Variants in KDM2B observed in about 807,000 individuals in gnomAD.
The protein encoded by KDM2B is lysine-specific demethylase 2B.
A neutral mutation model predicts 150.0 loss-of-function variants in KDM2B; 26 were observed. That is an observed-to-expected ratio of 0.17 (90% confidence interval 0.13 to 0.24). The LOEUF (loss-of-function observed/expected upper bound fraction) is 0.24. KDM2B is among the 10% of genes least tolerant of loss of function. The pLI, the probability that KDM2B is intolerant of heterozygous loss-of-function variation, is 1.00. For synonymous variants in KDM2B, 734 were observed against 729.5 expected (o/e 1.01, Z -0.10); for missense variants, 1,265 against 1,816.9 (o/e 0.70, Z 5.52).
chr12:121,459,639 T>G (rs1555293472), intron 12 of KDM2B, among the ~76,000 whole-genome samples: 1 of 152,210 alleles, frequency 6.6e-6, no homozygotes, highest in Non-Finnish European at 1.5e-5. Flanking sequence ...GAGACCAGCC[T>G]CACAAGCATG....
chr12:121,546,012 G>C (rs1555310622), intron 6 of KDM2B, among the ~76,000 whole-genome samples: 3 of 152,152 alleles, frequency 2.0e-5, no homozygotes, highest in Non-Finnish European at 4.4e-5. Flanking sequence ...CGACCACCTT[G>C]ACTGGGCGAA....
chr12:121,559,574 G>A (rs782265031), intron 4 of KDM2B, among the ~76,000 whole-genome samples: 2 of 152,082 alleles, frequency 1.3e-5, no homozygotes, highest in South Asian at 2.1e-4. Flanking sequence ...AGGAGATGTA[G>A]GGAGAATCCA....
downstream of KDM2B, among the ~76,000 whole-genome samples, chr12:121,428,571 A>T (rs535563125): frequency 3.3e-4 from 51 of 152,344 alleles, no homozygotes; most frequent in Middle Eastern, 3.4e-3. Flanking sequence ...CAGGGGCAAC[A>T]TCGTACATTG....
At position 121,510,300 on chromosome 12, in the gene KDM2B, C is replaced by T. The variant is rs12227224; in HGVS notation, c.1175-261G>A. Among the ~76,000 whole-genome samples, 1,693 of 152,280 alleles carry T rather than the reference C, an allele frequency of 0.011. 49 individuals are homozygous for T. In the East Asian group the frequency reaches 0.12, roughly 11 times the overall value. On this transcript the variant is annotated intron_variant, in intron 10 of 22. Coordinates refer to ENST00000377071, the MANE Select transcript of KDM2B (RefSeq NM_032590.5). Reference sequence around the variant, plus strand: ...GGCACTTTATTTATTTATATAAAGACAGTCTTGCTCAGTTGCCGAGGCTGG... The same window carrying T: ...GGCACTTTATTTATTTATATAAAGATAGTCTTGCTCAGTTGCCGAGGCTGG...
intron 12 of KDM2B, among the ~76,000 whole-genome samples, chr12:121,484,748 G>T (rs1156584141): frequency 2.0e-5 from 3 of 152,092 alleles, no homozygotes; most frequent in Admixed American, 2.0e-4. Context: ...AGCCCGGGAG[G>T]TCGAGGCTGC....
intron 6 of KDM2B, among the ~76,000 whole-genome samples, chr12:121,547,297 C>T (rs1262358337): frequency 6.6e-6 from 1 of 152,162 alleles, no homozygotes; most frequent in Non-Finnish European, 1.5e-5. Context: ...GCCTTTGATG[C>T]AGCCCAGATC....
chr12:121,545,942 A>C (rs1889004373), intron 6 of KDM2B, among the ~76,000 whole-genome samples: 1 of 149,042 alleles, frequency 6.7e-6, no homozygotes, highest in Admixed American at 6.8e-5. Context: ...AAGCCCTCCC[A>C]GTCTTCTTCA....
chr12:121,410,944 T>C, the KDM2B span, among the ~76,000 whole-genome samples: 3 of 152,186 alleles, frequency 2.0e-5, no homozygotes, highest in African/African-American at 4.8e-5. Context: ...TTTTTTGTTG[T>C]TTGTTTTTGA....
intron 4 of KDM2B, among the ~76,000 whole-genome samples, chr12:121,553,677 T>A (rs1234197862): frequency 6.6e-6 from 1 of 152,070 alleles, no homozygotes. Flanking sequence ...GTCAGTTTCA[T>A]CTGTAACTAG....
Position 121,442,751 on chromosome 12 carries a change from A to C in KDM2B, c.2690T>G (p.Leu897Arg). The C allele has an allele frequency of 6.4e-7, 1 of 1,553,606 alleles. No homozygotes were observed. Among genetic ancestry groups the C allele is most frequent in the Non-Finnish European group, 8.7e-7 (1 of 1,155,174 alleles). Reference protein sequence around the residue: ...RRFKQEPEDELPEAPPKTRES... With the variant: ...RRFKQEPEDERPEAPPKTRES... ...CCTGGTCTTGGGGGGCGCCTCGGGC[A>C]GTTCGTCCTCGGGTTCCTGCTTGAA... is the stretch of plus-strand genomic sequence containing the variant. The change falls in exon 19 of 23, where the codon CTG becomes CGG. Residue 897 changes from leucine (L) to arginine (R), a missense_variant. Physicochemically the swap from Leu to Arg is moderately radical, Grantham distance 102. Transcript: ENST00000377071. This position sits in a 1 kb window ranked among gnomAD's most constrained non-coding sequence, Gnocchi z 7.7.
At position 121,533,078 on chromosome 12, in the gene KDM2B, G is replaced by A. The variant is rs956779578; in HGVS notation, c.778-119C>T. 6.2e-6 allele frequency: 6 copies of A among 971,528 alleles called. No homozygotes were observed. Among genetic ancestry groups the A allele is most frequent in the Middle Eastern group, 2.7e-4 (1 of 3,762 alleles). 60.2% of individuals were successfully genotyped at this position (971,528 alleles called of 1,614,324 possible). A position where few individuals can be genotyped will look rare whatever the true frequency, so the allele number is the denominator to read the frequency against. ...AGACAAGCTGTGTGTGGGGTGGGGG[G>A]TGTGGAGAGATGGCAGATCCATCCC... is the stretch of plus-strand genomic sequence containing the variant. On this transcript the variant is annotated intron_variant, in intron 7 of 22. Coordinates refer to ENST00000377071, the MANE Select transcript of KDM2B (RefSeq NM_032590.5). The surrounding 1 kb of genome is among the most constrained non-coding windows in gnomAD (Gnocchi z 4.1).
chr12:121,449,087 G>A (rs1876778994), intron 13 of KDM2B, among the ~76,000 whole-genome samples: 1 of 152,044 alleles, frequency 6.6e-6, no homozygotes, highest in Non-Finnish European at 1.5e-5. Flanking sequence ...CAAGAAGAGG[G>A]TCTGTGGTGG....
intron 1 of KDM2B, 124 bp from the exon 2 acceptor site, chr12:121,579,070 C>T (rs1345439377): frequency 9.1e-7 from 1 of 1,099,214 alleles, no homozygotes; most frequent in Non-Finnish European, 1.3e-6. Context: ...CATTGCAACC[C>T]AAGCAACTTT....
chr12:121,463,042 C>T (rs1213597006), intron 12 of KDM2B, among the ~76,000 whole-genome samples: 1 of 148,976 alleles, frequency 6.7e-6, no homozygotes, highest in Non-Finnish European at 1.5e-5. Context: ...AGAGGCCAGG[C>T]GTGGTGGCTC....
chr12:121,580,250 TGTGG>T, intron 1 of KDM2B: 1 of 875,652 alleles, frequency 1.1e-6, no homozygotes, highest in African/African-American at 2.2e-5. Context: ...TTTCAGCAGT[TGTGG>T]GGGGGGGGAG....
chr12:121,479,324 A>C (rs1043467261), intron 12 of KDM2B, among the ~76,000 whole-genome samples: 3 of 144,872 alleles, frequency 2.1e-5, no homozygotes, highest in Non-Finnish European at 4.5e-5. Context: ...AAAATTAGCC[A>C]GGCATGGTGG....
In KDM2B at chr12:121,578,957, C is replaced by A. The variant is rs781816897; in HGVS notation, c.127-11G>T. 1 of 1,610,134 alleles carries A rather than the reference C, an allele frequency of 6.2e-7. No individual in the cohort carries two copies. ...GCGGTCAATCGGGCGCTGCGAGGACCCAAACCAGAGAGCCCGGGACATTAT... is the reference window on the plus strand; with the variant it reads ...GCGGTCAATCGGGCGCTGCGAGGACACAAACCAGAGAGCCCGGGACATTAT... On this transcript the variant is annotated splice_polypyrimidine_tract_variant and intron_variant, in intron 1 of 22. Transcript: ENST00000377071.
In KDM2B at chr12:121,509,748, T is replaced by C; in HGVS notation, c.1466A>G (p.Asp489Gly). 2 of 1,614,102 alleles carry C rather than the reference T, an allele frequency of 1.2e-6. No homozygotes were observed. The highest frequency in any genetic ancestry group is 1.1e-5 in the South Asian group (1 of 91,084). The change falls in exon 11 of 23, where the codon GAC (aspartate) becomes GGC (glycine). Residue 489 changes from aspartate (D) to glycine (G), a missense_variant. Asp to Gly is a moderately conservative substitution (Grantham distance 94). Around this residue, in one of 11 missense-constraint regions of KDM2B, gnomAD observed 154 missense variants for 162.5 expected, o/e 0.95. Transcript: ENST00000377071. ...ESVKSTTLAV[D>G]YPKTPTGSPA... is the part of the protein sequence containing the mutation. ...AGAGCCGGTGGGGGTCTTGGGGTAG[T>C]CTACGGCCAATGTGGTGGACTTCAC... is the stretch of plus-strand genomic sequence containing the variant.
intron 11 of KDM2B, among the ~76,000 whole-genome samples, chr12:121,494,995 T>C (rs376975921): frequency 1.4e-4 from 21 of 147,774 alleles, no homozygotes; most frequent in African/African-American, 5.5e-4. Context: ...CACACAAACT[T>C]TTTCTTTTTT....
Sources: allele counts gnomAD v4.1 joint callset (sites outside exome capture counted in the v4.1 genomes callset), GRCh38; gene constraint gnomAD v4.1.1; regional missense constraint gnomAD v4.1.1; non-coding constraint Gnocchi (gnomAD v3.1); transcripts MANE v1.5; gene names NCBI Gene and HGNC (gene_info 2026-07-23, HGNC 2026-07-21).